The following ANK3 variants were observed in gnomAD, a reference collection of about 807,000 sequenced individuals.
The protein encoded by ANK3 is ankyrin-3.
A neutral mutation model predicts 370.9 loss-of-function variants in ANK3; 57 were observed. That is an observed-to-expected ratio of 0.15 (90% CI 0.12 to 0.19). ANK3 has a LOEUF of 0.19. ANK3 is among the 10% of genes least tolerant of loss of function. The probability of loss-of-function intolerance (pLI) is 1.00; values close to 1 mark genes in which losing one functional copy is unlikely to be tolerated. For synonymous variants in ANK3, 1,929 were observed against 1,946.3 expected, an observed-to-expected ratio of 0.99 and a Z score of 0.23; for missense variants, 4,439 against 5,302.1, an observed-to-expected ratio of 0.84 and a Z score of 5.06.
intron 7 of ANK3, among the ~76,000 whole-genome samples, chr10:60,239,373 C>T (rs111253011): frequency 2.0e-5 from 3 of 152,056 alleles, no homozygotes; most frequent in African/African-American, 7.2e-5. Context: ...TATAAAGGAA[C>T]AATCTCGATG....
In ANK3 at chr10:60,075,362, G is replaced by A. The variant is rs770723563; in HGVS notation, c.5519C>T (p.Pro1840Leu). 1.2e-6 allele frequency: 2 copies of A among 1,614,088 alleles called. No homozygotes were observed. Among genetic ancestry groups the A allele is most frequent in the Non-Finnish European group, 1.7e-6 (2 of 1,179,988 alleles). ...TGATTTTGTAAATGAATTAGAGTCT[G>A]GAAGTTTCTTTAATGCTGGTTCTGG... ...VLPEPALKKL[P>L]DSNSFTKSAA... Residue 1840 changes from proline (P) to leucine (L), a missense_variant, in exon 37 of 44, where the codon CCA becomes CTA. Pro to Leu is a moderately conservative substitution (Grantham distance 98, BLOSUM62 -3). Coordinates refer to ENST00000280772, the MANE Select transcript of ANK3 (RefSeq NM_020987.5).
At chr10:60,561,902 T>C (rs1210961923) in intron 2 of ANK3, among the ~76,000 whole-genome samples, 1 of 152,238 alleles carries the variant, frequency 6.6e-6, no homozygotes, top group Non-Finnish European at 1.5e-5. Flanking sequence ...CTCTCCACTG[T>C]AGCAGCCTCT....
At chr10:60,328,728 T>A (rs1347477543) in intron 1 of ANK3, among the ~76,000 whole-genome samples, 1 of 152,184 alleles carries the variant, frequency 6.6e-6, no homozygotes, top group Non-Finnish European at 1.5e-5. Flanking sequence ...CCATTCCTTC[T>A]GAAACTATTC....
In ANK3 at chr10:60,340,169, G is replaced by A. The variant is rs574081730; in HGVS notation, c.114+49256C>T. Among the ~76,000 whole-genome samples the A allele has an allele frequency of 5.9e-5, 9 of 152,210 alleles. No homozygotes were observed. In the East Asian group the frequency reaches 1.6e-3, roughly 26 times the overall value. On this transcript the variant is annotated intron_variant, in intron 1 of 43. Transcript: ENST00000280772. ...TTGCCTAGGCAGAACCTCTGAGGGTGAGGCCCAGTAACCTGTGCTTTAAAC... is the reference window on the plus strand; with the variant it reads ...TTGCCTAGGCAGAACCTCTGAGGGTAAGGCCCAGTAACCTGTGCTTTAAAC...
Position 60,634,012 on chromosome 10 carries a change from A to C in ANK3, c.58-18788T>G, listed in dbSNP as rs542020095. On this transcript the variant is annotated intron_variant, in intron 1 of 43. Transcript: ENST00000373827. ...AACTTGTGTAAACTCCAATACTTTG[A>C]TCAAAATAAGAGACATATCTCAATT... is the stretch of plus-strand genomic sequence containing the variant. Among the ~76,000 whole-genome samples the C allele has an allele frequency of 3.9e-5, 6 of 152,352 alleles. No homozygotes were observed. The East Asian group carries it at 1.2e-3, about 29-fold the overall frequency.
chr10:60,089,169 G>A (rs1370453845), intron 28 of ANK3, among the ~76,000 whole-genome samples: 1 of 152,154 alleles, frequency 6.6e-6, no homozygotes, highest in African/African-American at 2.4e-5. Context: ...TCTCATGCGT[G>A]GAACTCAACC....
intron 43 of ANK3, among the ~76,000 whole-genome samples, chr10:60,036,530 G>C (rs140040702): frequency 1.4e-5 from 2 of 138,816 alleles, no homozygotes; most frequent in African/African-American, 5.4e-5. Flanking sequence ...CCACCTCCCA[G>C]GTTCACGCCA....
At chr10:60,134,641 T>C (rs528676759) in intron 24 of ANK3, among the ~76,000 whole-genome samples, 77 of 152,336 alleles carry the variant, frequency 5.1e-4, no homozygotes, top group African/African-American at 1.8e-3. Flanking sequence ...ACTATGAAGT[T>C]GAACTGACAT....
chr10:60,118,301 T>C (rs1362934720), intron 25 of ANK3, among the ~76,000 whole-genome samples: 2 of 152,206 alleles, frequency 1.3e-5, no homozygotes, highest in African/African-American at 2.4e-5. Flanking sequence ...TGAAGTCAAA[T>C]TGAAAAATAA....
chr10:60,702,317 A>C (rs1589050780), intron 1 of ANK3, among the ~76,000 whole-genome samples: 1 of 152,032 alleles, frequency 6.6e-6, no homozygotes, highest in Non-Finnish European at 1.5e-5. Context: ...ACAAAGAGGG[A>C]CTATGCCAAA....
chr10:60,283,703 A>C (rs2098200282), intron 1 of ANK3, among the ~76,000 whole-genome samples: 3 of 152,146 alleles, frequency 2.0e-5, no homozygotes, highest in African/African-American at 7.2e-5. Context: ...ATTATGAATT[A>C]ATCTAGTAAC....
intron 2 of ANK3, among the ~76,000 whole-genome samples, chr10:60,528,897 T>C (rs1235404313): frequency 6.6e-6 from 1 of 152,132 alleles, no homozygotes; most frequent in Non-Finnish European, 1.5e-5. Context: ...AGTGAATGAT[T>C]AAAATAGTTT....
chr10:60,593,718 G>A (rs1480923287), intron 2 of ANK3, among the ~76,000 whole-genome samples: 4 of 152,104 alleles, frequency 2.6e-5, no homozygotes, highest in Non-Finnish European at 5.9e-5. Context: ...TGATGAAAGG[G>A]CTCTAAGAAA....
At chr10:60,441,762 A>T (rs1303491418) in intron 2 of ANK3, among the ~76,000 whole-genome samples, 1 of 152,192 alleles carries the variant, frequency 6.6e-6, no homozygotes, top group Non-Finnish European at 1.5e-5. Flanking sequence ...AGCACCAGAC[A>T]CCTAGATTTT....
intron 1 of ANK3, among the ~76,000 whole-genome samples, chr10:60,332,041 T>C (rs1252325403): frequency 6.6e-6 from 1 of 152,122 alleles, no homozygotes; most frequent in Non-Finnish European, 1.5e-5. Context: ...TTTATCCATA[T>C]GGCTAACTCA....
At position 60,198,370 on chromosome 10, in the gene ANK3, A is replaced by C; in HGVS notation, c.1659T>G (p.Asp553Glu). 6.2e-7 allele frequency: 1 copy of C among 1,614,212 alleles called. No homozygotes were observed. The highest frequency in any genetic ancestry group is 8.5e-7 in the Non-Finnish European group (1 of 1,180,032). The change falls in exon 14 of 44, where the codon GAT (aspartate) becomes GAG (glutamate). Residue 553 changes from aspartate (D) to glutamate (E), a missense_variant. Coordinates refer to ENST00000280772, the MANE Select transcript of ANK3 (RefSeq NM_020987.5). Reference sequence around the variant, plus strand: ...TTGTTATAGATAAAGACGCTCCATGATCCAAAAGGAACGCGGCCACATCCT... The same window carrying C: ...TTGTTATAGATAAAGACGCTCCATGCTCCAAAAGGAACGCGGCCACATCCT... ...GHEDVAAFLL[D>E]HGASLSITTK...
At chr10:60,687,873 A>G (rs1240792908) in intron 1 of ANK3, among the ~76,000 whole-genome samples, 1 of 152,240 alleles carries the variant, frequency 6.6e-6, no homozygotes, top group African/African-American at 2.4e-5. Flanking sequence ...ATGGAATACT[A>G]TTCAGCCTTA....
At chr10:60,268,955 T>G (rs904190203) in intron 5 of ANK3, among the ~76,000 whole-genome samples, 27 of 152,316 alleles carry the variant, frequency 1.8e-4, no homozygotes, top group South Asian at 4.1e-4. Flanking sequence ...ATCTCTTAAT[T>G]TATTTAGTGG....
rs760928593 is a variant in ANK3, at chr10:60,278,890, A to G, written c.316-18T>C. The G allele has an allele frequency of 6.2e-7, 1 of 1,609,714 alleles. No individual in the cohort carries two copies. Among genetic ancestry groups the G allele is most frequent in the South Asian group, 1.1e-5 (1 of 90,994 alleles). On this transcript the variant is annotated intron_variant, in intron 3 of 43. Coordinates refer to ENST00000280772, the MANE Select transcript of ANK3 (RefSeq NM_020987.5). ...TTTCCTTTCTGTGAAATGAAAGTCA[A>G]GATATATCAACTCATCGATCTTTTG... is the stretch of plus-strand genomic sequence containing the variant.
Sources: gnomAD v4.1 joint callset for allele counts (sites outside exome capture counted in the v4.1 genomes callset) on GRCh38, gnomAD v4.1.1 for gene constraint, MANE v1.5 for transcripts, NCBI Gene and HGNC (gene_info 2026-07-23, HGNC 2026-07-21) for gene names.